Variants in THSD4 observed in about 807,000 individuals in gnomAD.
THSD4 encodes the protein thrombospondin type-1 domain-containing protein 4.
THSD4 carries 69 observed loss-of-function variants against 119.0 expected under a neutral mutation model. That is an observed-to-expected ratio of 0.58 (90% CI 0.48 to 0.71). The LOEUF is 0.71. THSD4 is among the 30% of genes least tolerant of loss of function. THSD4 has a pLI of 0.00. For synonymous variants in THSD4, 524 were observed against 540.4 expected, an observed-to-expected ratio of 0.97 and a Z score of 0.42; for missense variants, 1,393 against 1,391.1, an observed-to-expected ratio of 1.00 and a Z score of -0.02.
rs768126292 is a variant in THSD4, at chr15:71,103,319, C to G, written c.-80+6313C>G. Among the ~76,000 whole-genome samples, 38 of 152,194 alleles carry G rather than the reference C, an allele frequency of 2.5e-4. 1 individual carries two copies. The highest frequency in any genetic ancestry group is 5.1e-4 in the Non-Finnish European group (35 of 68,034). On this transcript the variant is annotated intron_variant, in intron 1 of 17. Transcript: ENST00000355327. ...GCCAATCATGGGCCTGGACTGGGGT[C>G]TACCTTGCAGTTTCAGTTCTCCAAA... is the stretch of plus-strand genomic sequence containing the variant.
rs58433075 is a variant in THSD4 at position 71,395,914 on chromosome 15, G to GACACACACACACACAC, written c.1016-15749_1016-15734dup. On this transcript the variant is annotated intron_variant, in intron 6 of 17. Transcript: ENST00000261862. Reference sequence around the variant, plus strand: ...TCTGCTTCTCAGTGTTTTGAAGAGAGACACACACACACACACACACACACA... The same window carrying GACACACACACACACAC: ...TCTGCTTCTCAGTGTTTTGAAGAGAGACACACACACACACACACACACACACACACACACACACACA... 1.3e-3 allele frequency among the ~76,000 whole-genome samples: 169 copies of GACACACACACACACAC among 133,374 alleles called. 1 individual carries two copies. The highest frequency in any genetic ancestry group is 4.8e-3 in the African/African-American group (165 of 34,662). The allele number at this position is 133,374 out of a possible 152,430, so 87.5% of individuals were successfully genotyped here. A position where few individuals can be genotyped will look rare whatever the true frequency, so the allele number is the denominator to read the frequency against.
chr15:71,442,660 G>GTGTGTGTGTGTATGTATATATA, intron 7 of THSD4, among the ~76,000 whole-genome samples: 1 of 25,816 alleles, frequency 3.9e-5, no homozygotes, highest in Non-Finnish European at 9.2e-5. Flanking sequence ...GTGTGTGTGT[G>GTGTGTGTGTGTATGTATATATA]TATATATATA....
At chr15:71,373,848 C>A (rs540903517) in intron 6 of THSD4, among the ~76,000 whole-genome samples, 1 of 152,296 alleles carries the variant, frequency 6.6e-6, no homozygotes, top group African/African-American at 2.4e-5. Context: ...GTGAGTGTTT[C>A]TTGGAGAAAG....
At chr15:71,384,082 A>G (rs6494914) in intron 6 of THSD4, among the ~76,000 whole-genome samples, 149,508 of 152,336 alleles carry the variant, frequency 0.98, 73,430 homozygotes, top group Middle Eastern at 1. Context: ...CAAATAGGGC[A>G]AAGAAACTAT....
At chr15:71,287,242 A>G (rs950145564) in intron 6 of THSD4, among the ~76,000 whole-genome samples, 2 of 152,214 alleles carry the variant, frequency 1.3e-5, no homozygotes, top group Non-Finnish European at 2.9e-5. Context: ...GCAGTGTTAG[A>G]TGCTTGTCTT....
intron 2 of THSD4, among the ~76,000 whole-genome samples, chr15:71,148,069 G>A (rs2040681784): frequency 6.7e-6 from 1 of 149,442 alleles, no homozygotes; most frequent in East Asian, 2.0e-4. Context: ...CAAGACCTGA[G>A]AACCTGGAAA....
intron 7 of THSD4, among the ~76,000 whole-genome samples, chr15:71,499,166 C>T (rs956040668): frequency 1.3e-5 from 2 of 152,124 alleles, no homozygotes; most frequent in Non-Finnish European, 2.9e-5. Context: ...ACCCTTCACT[C>T]TGGTCTAATT....
intron 6 of THSD4, among the ~76,000 whole-genome samples, chr15:71,268,119 A>G (rs1302968049): frequency 1.3e-5 from 2 of 152,202 alleles, no homozygotes; most frequent in Non-Finnish European, 2.9e-5. Context: ...CCTAATAGAC[A>G]TCTACAGAAC....
chr15:71,623,297 T>C (rs572525524), intron 7 of THSD4, among the ~76,000 whole-genome samples: 2 of 152,306 alleles, frequency 1.3e-5, no homozygotes, highest in East Asian at 3.9e-4. Flanking sequence ...ATTGAATGTT[T>C]ATGTGCCAGG....
chr15:71,215,347 C>T lies in THSD4; in HGVS notation c.412C>T (p.Arg138Ter). The change falls in exon 4 of 18, where the codon CGA becomes TGA. Residue 138 changes from arginine to a stop codon, truncating the protein, a stop_gained. Coordinates refer to ENST00000261862, the MANE Select transcript of THSD4 (RefSeq NM_024817.3). LOFTEE classifies it high-confidence loss of function. ...CAGCCGCCAGGGCCCCACGGTGCTGCGAGGCAGCCGGCACCCACAGCCCCA... is the reference window on the plus strand; with the variant it reads ...CAGCCGCCAGGGCCCCACGGTGCTGTGAGGCAGCCGGCACCCACAGCCCCA... The part of the protein sequence containing the change: ...DASRQGPTVL[R>*]GSRHPQPQGL... The T allele has an allele frequency of 1.3e-6, 2 of 1,532,046 alleles. No individual in the cohort carries two copies. Among genetic ancestry groups the T allele is most frequent in the South Asian group, 1.2e-5 (1 of 83,858 alleles). 94.9% of individuals were successfully genotyped at this position (1,532,046 alleles called of 1,614,324 possible). A position where few individuals can be genotyped will look rare whatever the true frequency, so the allele number is the denominator to read the frequency against.
Position 71,777,501 on chromosome 15 carries a change from C to T in THSD4, c.*127C>T, listed in dbSNP as rs1403080463. ...GCGCTGCCAACCAACTTAGTCACCA[C>T]CCCTGCCTCCGGTGAATGCACCCCG... is the stretch of plus-strand genomic sequence containing the variant. On this transcript the variant is annotated 3_prime_UTR_variant, in exon 18 of 18. Coordinates refer to ENST00000261862, the MANE Select transcript of THSD4 (RefSeq NM_024817.3). 1 of 1,324,604 alleles carries T rather than the reference C, an allele frequency of 7.5e-7. No homozygotes were observed. The highest frequency in any genetic ancestry group is 1.5e-5 in the African/African-American group (1 of 67,920). The allele number at this position is 1,324,604 out of a possible 1,614,324, so 82.1% of individuals were successfully genotyped here. A position where few individuals can be genotyped will look rare whatever the true frequency, so the allele number is the denominator to read the frequency against.
intron 8 of THSD4, among the ~76,000 whole-genome samples, chr15:71,663,444 T>C (rs1222937701): frequency 6.6e-6 from 1 of 152,202 alleles, no homozygotes; most frequent in African/African-American, 2.4e-5. Context: ...ATTCCAGAGA[T>C]GACGAACAGA....
At chr15:71,522,314 T>A (rs559585431) in intron 7 of THSD4, among the ~76,000 whole-genome samples, 2 of 152,312 alleles carry the variant, frequency 1.3e-5, no homozygotes, top group East Asian at 3.9e-4. Flanking sequence ...ATAACCAAGT[T>A]ATTTAGATTA....
At chr15:71,624,429 A>G (rs2050472531) in intron 7 of THSD4, among the ~76,000 whole-genome samples, 1 of 152,252 alleles carries the variant, frequency 6.6e-6, no homozygotes, top group Non-Finnish European at 1.5e-5. Context: ...TTTTTGGGGA[A>G]TACTTTCCTG....
At chr15:71,322,587 T>C (rs2045282673) in intron 6 of THSD4, among the ~76,000 whole-genome samples, 1 of 152,226 alleles carries the variant, frequency 6.6e-6, no homozygotes, top group South Asian at 2.1e-4. Context: ...AGGTCAGGAA[T>C]TGAGAAGTGG....
intron 15 of THSD4, among the ~76,000 whole-genome samples, chr15:71,758,940 TCACCC>T (rs921910700): frequency 6.6e-6 from 1 of 151,970 alleles, no homozygotes; most frequent in Non-Finnish European, 1.5e-5. Flanking sequence ...CTTAACCCAG[TCACCC>T]CACTCCTGGG....
At chr15:71,265,773 G>T (rs2044458544) in intron 6 of THSD4, among the ~76,000 whole-genome samples, 1 of 152,282 alleles carries the variant, frequency 6.6e-6, no homozygotes, top group Non-Finnish European at 1.5e-5. Context: ...TGTGGGGGGG[G>T]AGGGGCATCT....
intron 7 of THSD4, among the ~76,000 whole-genome samples, chr15:71,579,156 T>C (rs942575842): frequency 6.6e-6 from 1 of 152,196 alleles, no homozygotes; most frequent in African/African-American, 2.4e-5. Context: ...AAACTAGCAG[T>C]AATTATGTTT....
At chr15:71,289,344 G>A (rs763284955) in intron 6 of THSD4, among the ~76,000 whole-genome samples, 16 of 152,192 alleles carry the variant, frequency 1.1e-4, no homozygotes, top group Admixed American at 6.5e-5. Context: ...TCCTGATGCT[G>A]CCTTTATGAT....
Sources: allele counts gnomAD v4.1 joint callset (sites outside exome capture counted in the v4.1 genomes callset), GRCh38; gene constraint gnomAD v4.1.1; transcripts MANE v1.5; gene names NCBI Gene and HGNC (gene_info 2026-07-23, HGNC 2026-07-21).